Variants in CEP83 observed in about 807,000 individuals in gnomAD.
CEP83 encodes centrosomal protein of 83 kDa.
A neutral mutation model predicts 101.9 loss-of-function variants in CEP83; 70 were observed. The ratio of observed to expected loss-of-function variants is 0.69; its 90% CI spans 0.57 to 0.84. The LOEUF (loss-of-function observed/expected upper bound fraction) is 0.84, where lower values mean the gene tolerates loss of function less well. Among genes scored for constraint, CEP83 ranks in the 40% least tolerant of loss-of-function variants. The pLI is 0.00. For synonymous variants in CEP83, 264 were observed against 267.9 expected (o/e 0.99, Z 0.14); for missense variants, 715 against 787.2 (o/e 0.91, Z 1.10).
At position 94,400,274 on chromosome 12, in the gene CEP83, G is replaced by A. The variant is rs531148733; in HGVS notation, c.549+576C>T. ...AACCCCATTTTGGGCAAAACTAGGA[G>A]ACAAACCACAAAACGAGTAGAAAGG... On this transcript the variant is annotated intron_variant, in intron 6 of 16. Coordinates refer to ENST00000397809, the MANE Select transcript of CEP83 (RefSeq NM_016122.3). 3.3e-5 allele frequency among the ~76,000 whole-genome samples: 5 copies of A among 152,210 alleles called. No homozygotes were observed. In the South Asian group the frequency reaches 1.0e-3, roughly 32 times the overall value.
intron 2 of CEP83, among the ~76,000 whole-genome samples, chr12:94,430,529 A>C (rs1039130436): frequency 1.3e-5 from 2 of 152,070 alleles, no homozygotes; most frequent in African/African-American, 4.8e-5. Flanking sequence ...AGAAGAAAGA[A>C]TCTCAGAACC....
chr12:94,276,903 G>GGCCAGACGGAGATCACTCCTCC, the CEP83 span: 1 of 152,162 alleles, frequency 6.6e-6, no homozygotes, highest in South Asian at 2.1e-4. Flanking sequence ...AGGGAAACTC[G>GGCCAGACGGAGATCACTCCTCC]TACAGGCCAG....
At chr12:94,434,456 G>A (rs971612922) in intron 2 of CEP83, among the ~76,000 whole-genome samples, 4 of 152,234 alleles carry the variant, frequency 2.6e-5, no homozygotes, top group South Asian at 2.1e-4. Context: ...CAGCAGAGAC[G>A]TAAGAAAACC....
At chr12:94,304,355 A>G (rs1280354845), downstream of CEP83, 2 of 243,836 alleles carry the variant, frequency 8.2e-6, no homozygotes, top group Non-Finnish European at 7.8e-6. Flanking sequence ...AAATGGGGTC[A>G]GCTTATGCTT....
intron 4 of CEP83, among the ~76,000 whole-genome samples, chr12:94,407,118 A>G: frequency 6.6e-6 from 1 of 152,154 alleles, no homozygotes; most frequent in East Asian, 1.9e-4. Flanking sequence ...ATAAATTAAT[A>G]AACAACATCA....
chr12:94,335,457 C>A, intron 12 of CEP83, 132 bp downstream of exon 12: 1 of 625,120 alleles, frequency 1.6e-6, no homozygotes, highest in Non-Finnish European at 2.8e-6. Context: ...TTACATATCA[C>A]CTCCAACAAT....
the CEP83 span, among the ~76,000 whole-genome samples, chr12:94,284,087 G>GA: frequency 0.042 from 3,494 of 82,414 alleles, 128 homozygotes; most frequent in African/African-American, 0.11. Context: ...CATGTCAGGG[G>GA]AAAAAAAAAA....
chr12:94,304,976 C>T (rs533497882), downstream of CEP83, among the ~76,000 whole-genome samples: 3 of 152,244 alleles, frequency 2.0e-5, no homozygotes, highest in East Asian at 1.9e-4. Context: ...GTATTTCTTG[C>T]GAGCTTCTAT....
At chr12:94,320,928 G>A (rs1478532990) in intron 14 of CEP83, among the ~76,000 whole-genome samples, 1 of 152,174 alleles carries the variant, frequency 6.6e-6, no homozygotes, top group Non-Finnish European at 1.5e-5. Flanking sequence ...CTCTAGTGAG[G>A]CTGAGGAAGT....
the CEP83 span, among the ~76,000 whole-genome samples, chr12:94,272,694 C>T: frequency 2.5e-3 from 386 of 152,326 alleles, 2 homozygotes; most frequent in African/African-American, 8.9e-3. Flanking sequence ...CATTTGAGCC[C>T]ACTGAATCTG....
At chr12:94,292,399 T>C in the CEP83 span, among the ~76,000 whole-genome samples, 2 of 152,218 alleles carry the variant, frequency 1.3e-5, no homozygotes, top group African/African-American at 4.8e-5. Context: ...TTAATGTGAA[T>C]AGTCATTGAG....
In CEP83 at chr12:94,318,524, C is replaced by A. The variant is rs115659722; in HGVS notation, c.1708-5507G>T. 8.7e-3 allele frequency among the ~76,000 whole-genome samples: 1,317 copies of A among 152,194 alleles called. 20 individuals carry two copies. Among genetic ancestry groups the A allele is most frequent in the African/African-American group, 0.03 (1,266 of 41,514 alleles). On this transcript the variant is annotated intron_variant, in intron 14 of 16. Transcript: ENST00000397809. ...CAAAGAGAATGCTTCCATATTTTGC[C>A]CATTCAGTATGATGTTAGCTGTGGG... is the stretch of plus-strand genomic sequence containing the variant.
At position 94,403,415 on chromosome 12, in the gene CEP83, C is replaced by T. The variant is rs11107528; in HGVS notation, c.325-153G>A. 6.6e-5 allele frequency among the ~76,000 whole-genome samples: 10 copies of T among 152,278 alleles called. 1 individual carries two copies. The East Asian group carries it at 1.9e-3, about 29-fold the overall frequency. ...GTGATCACTATACAAATAGAATCAT[C>T]ATTTGAAATAATACTTTAAGAATCT... is the stretch of plus-strand genomic sequence containing the variant. On this transcript the variant is annotated intron_variant, in intron 4 of 16. Coordinates refer to ENST00000397809, the MANE Select transcript of CEP83 (RefSeq NM_016122.3).
chr12:94,271,867 G>T, the CEP83 span, among the ~76,000 whole-genome samples: 1 of 152,190 alleles, frequency 6.6e-6, no homozygotes, highest in Non-Finnish European at 1.5e-5. Flanking sequence ...GGATGTGGGG[G>T]AGTTGATTAG....
intron 11 of CEP83, among the ~76,000 whole-genome samples, chr12:94,359,119 T>C (rs889883535): frequency 6.6e-6 from 1 of 152,232 alleles, no homozygotes; most frequent in Non-Finnish European, 1.5e-5. Context: ...TTAATATCTA[T>C]AGAAACAATG....
chr12:94,413,140 CACCACGCTCAGCCTCTCCTTATCAT>C (rs2064015959), intron 2 of CEP83, among the ~76,000 whole-genome samples: 1 of 152,230 alleles, frequency 6.6e-6, no homozygotes, highest in African/African-American at 2.4e-5. Context: ...AGGCGTGAGC[CACCACGCTCAGCCTCTCCTTATCAT>C]TTTTATTACA....
intron 14 of CEP83, among the ~76,000 whole-genome samples, chr12:94,319,775 G>A (rs1038324960): frequency 6.6e-6 from 1 of 152,180 alleles, no homozygotes; most frequent in African/African-American, 2.4e-5. Flanking sequence ...GTCTGATTGT[G>A]TGGTCAATTT....
the CEP83 span, chr12:94,301,058 G>A: frequency 6.2e-7 from 1 of 1,613,452 alleles, no homozygotes. Flanking sequence ...ACTAGGGAAG[G>A]TAAGGCCCAG....
intron 2 of CEP83, chr12:94,424,802 G>T: frequency 6.2e-7 from 1 of 1,607,888 alleles, no homozygotes; most frequent in East Asian, 2.2e-5. Flanking sequence ...GTATAGGTTG[G>T]TTTTGCTCAG....
Sources: gnomAD v4.1 joint callset for allele counts (sites outside exome capture counted in the v4.1 genomes callset) on GRCh38, gnomAD v4.1.1 for gene constraint, MANE v1.5 for transcripts, NCBI Gene and HGNC (gene_info 2026-07-23, HGNC 2026-07-21) for gene names.